Variants in NAALADL2 observed in about 807,000 individuals in gnomAD.
The protein encoded by NAALADL2 is N-acetylated alpha-linked acidic dipeptidase like 2, also known as inactive N-acetylated-alpha-linked acidic dipeptidase-like protein 2.
A neutral mutation model predicts 87.2 loss-of-function variants in NAALADL2; 76 were observed. The ratio of observed to expected loss-of-function variants is 0.87; its 90% CI spans 0.72 to 1.05. The LOEUF is 1.05. Ranked by LOEUF, NAALADL2 falls within the 50% of genes least tolerant of loss-of-function variation. The pLI is 0.00. For missense variants in NAALADL2, 1,089 were observed against 945.8 expected (o/e 1.15, Z -1.99); for synonymous variants, 354 against 331.0 (o/e 1.07, Z -0.75).
chr3:175,600,102 A>G (rs1211987751), intron 10 of NAALADL2, among the ~76,000 whole-genome samples: 1 of 152,026 alleles, frequency 6.6e-6, no homozygotes, highest in Admixed American at 6.6e-5. Flanking sequence ...ATGTGCATGT[A>G]TATTTTATAT....
chr3:175,169,192 A>C (rs62283045), intron 2 of NAALADL2, among the ~76,000 whole-genome samples: 4 of 151,432 alleles, frequency 2.6e-5, no homozygotes, highest in Admixed American at 2.6e-4. Flanking sequence ...GCTTTCTACA[A>C]ATGCTTACTT....
At chr3:174,928,753 TATAAC>T (rs1476200189) in intron 1 of NAALADL2, among the ~76,000 whole-genome samples, 4 of 152,292 alleles carry the variant, frequency 2.6e-5, no homozygotes, top group African/African-American at 9.6e-5. Context: ...AAATTGTAAT[TATAAC>T]AAAAAGGAGG....
chr3:175,034,668 A>T (rs1425353647), intron 1 of NAALADL2, among the ~76,000 whole-genome samples: 1 of 152,128 alleles, frequency 6.6e-6, no homozygotes. Context: ...TGAATGCTAG[A>T]TCCAAACTGC....
chr3:175,724,784 T>G (rs1742711005), intron 11 of NAALADL2, among the ~76,000 whole-genome samples: 1 of 152,022 alleles, frequency 6.6e-6, no homozygotes, highest in South Asian at 2.1e-4. Context: ...TCATATTTTT[T>G]GAAAAAATGA....
rs568148974 is a variant in NAALADL2 at position 175,252,787 on chromosome 3, T to C, written c.820-3624T>C. 3.9e-5 allele frequency among the ~76,000 whole-genome samples: 6 copies of C among 152,294 alleles called. No homozygotes were observed. In the East Asian group the frequency reaches 7.7e-4, roughly 20 times the overall value. ...ATAATTAGAGAGCAAAACAGCCCTA[T>C]TGCTGATATGGAGAAAGTTTGAGTG... is the stretch of plus-strand genomic sequence containing the variant. On this transcript the variant is annotated intron_variant, in intron 3 of 13. Coordinates refer to ENST00000454872, the MANE Select transcript of NAALADL2 (RefSeq NM_207015.3).
intron 3 of NAALADL2, among the ~76,000 whole-genome samples, chr3:174,834,927 A>G (rs111605156): frequency 0.023 from 3,530 of 152,006 alleles, 111 homozygotes; most frequent in African/African-American, 0.07. Context: ...ATAAAAAATG[A>G]CAAGTTGATT....
In NAALADL2 at chr3:175,805,238, T is replaced by A. The variant is rs2184210; in HGVS notation, c.*2035T>A. ...ATTATTTTAGAACAAATTTCTAAAT[T>A]AATTTATTCCCATAACCTACAATAG... is the stretch of plus-strand genomic sequence containing the variant. On this transcript the variant is annotated 3_prime_UTR_variant, in exon 14 of 14. Transcript: ENST00000454872. 3 of 151,710 alleles carry A rather than the reference T, an allele frequency of 2.0e-5. No homozygotes were observed. The highest frequency in any genetic ancestry group is 4.4e-5 in the Non-Finnish European group (3 of 67,846). The allele number at this position is 151,710 out of a possible 1,614,324, so 9.4% of individuals were successfully genotyped here. A position where few individuals can be genotyped will look rare whatever the true frequency, so the allele number is the denominator to read the frequency against.
At chr3:175,075,183 A>G (rs939561376) in intron 1 of NAALADL2, among the ~76,000 whole-genome samples, 1 of 152,132 alleles carries the variant, frequency 6.6e-6, no homozygotes, top group Non-Finnish European at 1.5e-5. Flanking sequence ...CTTGTCCAAA[A>G]TATAAGTGGT....
At chr3:174,829,490 C>T (rs1308014036) in intron 3 of NAALADL2, among the ~76,000 whole-genome samples, 79 of 135,730 alleles carry the variant, frequency 5.8e-4, no homozygotes, top group African/African-American at 2.1e-3. Flanking sequence ...GTATATGTGC[C>T]ACATTTTCTT....
Position 175,256,441 on chromosome 3 carries a change from G to A in NAALADL2, c.850G>A (p.Ala284Thr). Residue 284 changes from alanine (A) to threonine (T), a missense_variant, in exon 4 of 14, where the codon GCA (alanine) becomes ACA (threonine). By Grantham distance (58) the Ala-to-Thr change is moderately conservative. Coordinates refer to ENST00000454872, the MANE Select transcript of NAALADL2 (RefSeq NM_207015.3). ...AEVIDVSYGM[A>T]DDLKRIRKIK... ...AGTCATCGATGTGAGTTATGGAATG[G>A]CAGATGATTTAAAAAGGATTAGGAA... 6.2e-7 allele frequency: 1 copy of A among 1,610,314 alleles called. No homozygotes were observed.
At chr3:175,280,882 T>C (rs1754208064) in intron 4 of NAALADL2, among the ~76,000 whole-genome samples, 1 of 151,994 alleles carries the variant, frequency 6.6e-6, no homozygotes, top group Non-Finnish European at 1.5e-5. Context: ...TACATCAGCG[T>C]ATAAGTTTAA....
intron 12 of NAALADL2, among the ~76,000 whole-genome samples, chr3:175,748,310 A>G (rs1746184442): frequency 6.6e-6 from 1 of 152,236 alleles, no homozygotes; most frequent in African/African-American, 2.4e-5. Flanking sequence ...AGAATAGAAA[A>G]TGTATGATAA....
intron 1 of NAALADL2, among the ~76,000 whole-genome samples, chr3:174,452,944 G>A (rs553377826): frequency 6.4e-4 from 98 of 152,152 alleles, no homozygotes; most frequent in Non-Finnish European, 2.4e-4. Flanking sequence ...GATGACTGAC[G>A]TGACAGAAAT....
At chr3:174,757,728 C>G (rs1324975148) in intron 3 of NAALADL2, among the ~76,000 whole-genome samples, 2 of 151,952 alleles carry the variant, frequency 1.3e-5, no homozygotes, top group Non-Finnish European at 2.9e-5. Context: ...TGGTCTCGAA[C>G]TCCTGACCTT....
intron 2 of NAALADL2, among the ~76,000 whole-genome samples, chr3:174,564,820 T>C (rs1159425929): frequency 2.0e-5 from 3 of 152,064 alleles, no homozygotes; most frequent in African/African-American, 7.2e-5. Flanking sequence ...TTCCTTTGGT[T>C]TGTGTTTGCT....
intron 2 of NAALADL2, among the ~76,000 whole-genome samples, chr3:174,713,452 C>T (rs1322181125): frequency 6.6e-6 from 1 of 151,788 alleles, no homozygotes; most frequent in Non-Finnish European, 1.5e-5. Context: ...TCTCCACATC[C>T]TCTCCAGCAC....
Position 175,234,162 on chromosome 3 carries a change from G to A in NAALADL2, c.777G>A (p.Leu259=). The A allele has an allele frequency of 6.2e-7, 1 of 1,613,828 alleles. No individual in the cohort carries two copies. Among genetic ancestry groups the A allele is most frequent in the Non-Finnish European group, 8.5e-7 (1 of 1,179,814 alleles). Residue 259 remains leucine (L), a synonymous_variant, in exon 3 of 14, where the codon CTG becomes CTA. Coordinates refer to ENST00000454872, the MANE Select transcript of NAALADL2 (RefSeq NM_207015.3). ...CCAGAAAAGATAGCAGCCAAGACCT[G>A]CTCTATTCATATGCAGCCTATTCTG... is the stretch of plus-strand genomic sequence containing the variant. ...EEARKDSSQD[L]LYSYAAYSAK...
chr3:174,616,310 A>G (rs1309384486), intron 2 of NAALADL2, among the ~76,000 whole-genome samples: 1 of 152,038 alleles, frequency 6.6e-6, no homozygotes, highest in African/African-American at 2.4e-5. Flanking sequence ...ATACATAAAT[A>G]GAAGGTACTA....
At chr3:175,149,142 A>G (rs1465731552) in intron 2 of NAALADL2, among the ~76,000 whole-genome samples, 3 of 152,026 alleles carry the variant, frequency 2.0e-5, no homozygotes, top group Non-Finnish European at 4.4e-5. Context: ...AGTGTTTTGT[A>G]GTTCTCATTG....
Sources: gnomAD v4.1 joint callset for allele counts (sites outside exome capture counted in the v4.1 genomes callset) on GRCh38, gnomAD v4.1.1 for gene constraint, MANE v1.5 for transcripts, NCBI Gene and HGNC (gene_info 2026-07-23, HGNC 2026-07-21) for gene names.